Variants in PRCC observed in about 807,000 individuals in gnomAD.
PRCC encodes the protein proline rich mitotic checkpoint control factor, also known as proline-rich protein PRCC.
Under a neutral mutation model 44.0 loss-of-function variants are expected in PRCC, and 10 were observed. That is an observed-to-expected ratio of 0.23 (90% CI 0.14 to 0.39). The LOEUF is 0.39. PRCC is among the 10% of genes least tolerant of loss of function. The probability of loss-of-function intolerance (pLI) is 1.00; values close to 1 mark genes in which losing one functional copy is unlikely to be tolerated. For missense variants in PRCC, 573 were observed against 624.7 expected (o/e 0.92, Z 0.88); for synonymous variants, 278 against 259.5 (o/e 1.07, Z -0.69).
intron 3 of PRCC, among the ~76,000 whole-genome samples, chr1:156,788,156 T>C (rs1253586174): frequency 6.6e-6 from 1 of 152,188 alleles, no homozygotes; most frequent in Non-Finnish European, 1.5e-5. Flanking sequence ...TTTTTGATCC[T>C]TACCTTCCAC....
chr1:156,782,903 A>G (rs1652095474), intron 2 of PRCC, among the ~76,000 whole-genome samples: 1 of 152,104 alleles, frequency 6.6e-6, no homozygotes, highest in Non-Finnish European at 1.5e-5. Flanking sequence ...GCAATCAGAC[A>G]ATATATATAT....
At chr1:156,771,387 C>T (rs1571570817) in intron 1 of PRCC, among the ~76,000 whole-genome samples, 1 of 152,268 alleles carries the variant, frequency 6.6e-6, no homozygotes, top group East Asian at 1.9e-4. Context: ...TGGTGAGAAC[C>T]TTGGAGGGAG....
In PRCC at chr1:156,767,857, C is replaced by T. The variant is rs1181738550; in HGVS notation, c.86C>T (p.Pro29Leu). The change falls in exon 1 of 7, where the codon CCT becomes CTT. Residue 29 changes from proline (P) to leucine (L), a missense_variant. Pro to Leu is a moderately conservative substitution (Grantham distance 98). Transcript: ENST00000271526. ...PEPEEEEAVA[P>L]TSGPALGGLF... is the part of the protein sequence containing the mutation. ...CCGGAGGAAGAGGAGGCGGTGGCTC[C>T]TACATCTGGGCCCGCTTTAGGGGGC... 3 of 1,609,196 alleles carry T rather than the reference C, an allele frequency of 1.9e-6. No homozygotes were observed. Among genetic ancestry groups the T allele is most frequent in the Admixed American group, 1.7e-5 (1 of 59,600 alleles).
At chr1:156,779,154 T>C (rs1651954912) in intron 1 of PRCC, among the ~76,000 whole-genome samples, 5 of 82,518 alleles carry the variant, frequency 6.1e-5, no homozygotes, top group Non-Finnish European at 9.6e-5. Flanking sequence ...TTTTTTTTTT[T>C]TTTTTCTTTT....
intron 3 of PRCC, among the ~76,000 whole-genome samples, chr1:156,787,471 ATATATATATATATATATATATATATATC>A (rs1200558535): frequency 7.5e-4 from 3 of 4,004 alleles, no homozygotes; most frequent in Non-Finnish European, 2.7e-3. Context: ...ATATATATAT[ATATATATATATATATATATATATATATC>A]TGTTTTTTTT....
chr1:156,786,930 C>T lies in PRCC; in HGVS notation c.839C>T (p.Pro280Leu), dbSNP rs1203204311. Reference protein sequence around the residue: ...EVAPENFFSLPEKAEPPGVEP... With the variant: ...EVAPENFFSLLEKAEPPGVEP... The stretch of plus-strand genomic sequence containing the variant: ...GCCCCCGAAAACTTTTTCTCCCTCC[C>T]TGAAAAGGCTGAGCCACCTGGAGTT... The change falls in exon 3 of 7, where the codon CCT becomes CTT. Residue 280 changes from proline (P) to leucine (L), a missense_variant. Pro to Leu is a moderately conservative substitution (Grantham distance 98). Coordinates refer to ENST00000271526, the MANE Select transcript of PRCC (RefSeq NM_005973.5). 5.6e-6 allele frequency: 9 copies of T among 1,614,226 alleles called. No homozygotes were observed. The highest frequency in any genetic ancestry group is 2.2e-5 in the East Asian group (1 of 44,880).
chr1:156,794,764 A>T lies in PRCC; in HGVS notation c.1279A>T (p.Thr427Ser). 4 of 1,614,236 alleles carry T rather than the reference A, an allele frequency of 2.5e-6. No homozygotes were observed. Among genetic ancestry groups the T allele is most frequent in the Non-Finnish European group, 3.4e-6 (4 of 1,180,036 alleles). The part of the protein sequence containing the change: ...DQLSGAQQWM[T>S]KSLTEEKTMK... ...GCTCAGTGGGGCCCAGCAATGGATG[A>T]CTAAGTCATTGACAGAAGAGAAAAC... is the stretch of plus-strand genomic sequence containing the variant. Residue 427 changes from threonine to serine, a missense_variant, in exon 5 of 7, where the codon ACT (threonine) becomes TCT (serine). Thr to Ser is a moderately conservative substitution (Grantham distance 58). Around this residue, in one of 4 missense-constraint regions of PRCC, gnomAD observed 69 missense variants for 139.3 expected, o/e 0.50. Transcript: ENST00000271526.
chr1:156,796,954 C>T (rs534357622), intron 5 of PRCC: 57 of 294,168 alleles, frequency 1.9e-4, no homozygotes, highest in Non-Finnish European at 3.4e-4. Flanking sequence ...CCACAGCAGA[C>T]AGAACCCCAT....
intron 4 of PRCC, among the ~76,000 whole-genome samples, chr1:156,793,592 T>C (rs1391649764): frequency 1.3e-5 from 2 of 152,100 alleles, no homozygotes; most frequent in Non-Finnish European, 1.5e-5. Context: ...ATTCTTTGTC[T>C]CTAATGTCCA....
chr1:156,799,803 G>C (rs74370674), intron 6 of PRCC, among the ~76,000 whole-genome samples: 15,467 of 152,216 alleles, frequency 0.1, 998 homozygotes, highest in African/African-American at 0.18. Context: ...GTTGAGATCA[G>C]AAGAAAGAAG....
chr1:156,767,700 A>T lies in PRCC; in HGVS notation c.-72A>T. The stretch of plus-strand genomic sequence containing the variant: ...GCCCCGCCAGGTGGCGGGGCCTACT[A>T]GGCCTCCGGGCATCCCCGGTCTCAA... On this transcript the variant is annotated 5_prime_UTR_variant, in exon 1 of 7. Coordinates refer to ENST00000271526, the MANE Select transcript of PRCC (RefSeq NM_005973.5). 1 of 1,447,738 alleles carries T rather than the reference A, an allele frequency of 6.9e-7. No homozygotes were observed. The highest frequency in any genetic ancestry group is 1.4e-5 in the South Asian group (1 of 71,828). The allele number at this position is 1,447,738 out of a possible 1,614,324, so 89.7% of individuals were successfully genotyped here.
intron 6 of PRCC, among the ~76,000 whole-genome samples, chr1:156,799,087 T>C (rs2102776568): frequency 6.6e-6 from 1 of 152,336 alleles, no homozygotes; most frequent in African/African-American, 2.4e-5. Context: ...TAAGATTTAA[T>C]GCTGTATCTT....
chr1:156,768,341 G>A, intron 1 of PRCC, 102 bp downstream of exon 1: 4 of 1,214,400 alleles, frequency 3.3e-6, no homozygotes, highest in Non-Finnish European at 4.7e-6. Context: ...AAACGCATCC[G>A]TGGATTCAAG....
intron 1 of PRCC, among the ~76,000 whole-genome samples, chr1:156,770,160 T>C (rs1179107989): frequency 6.6e-6 from 1 of 152,178 alleles, no homozygotes; most frequent in Non-Finnish European, 1.5e-5. Flanking sequence ...TTGGCTGAGG[T>C]GGCAGAAAAC....
intron 1 of PRCC, among the ~76,000 whole-genome samples, chr1:156,776,452 C>T (rs1473753286): frequency 1.4e-5 from 2 of 140,606 alleles, no homozygotes; most frequent in African/African-American, 2.5e-5. Flanking sequence ...TAGACTGTTC[C>T]GAAGTCTTTA....
At position 156,786,664 on chromosome 1, in the gene PRCC, T is replaced by C; in HGVS notation, c.573T>C (p.Thr191=). Residue 191 remains threonine, a synonymous_variant, in exon 3 of 7, where the codon ACT becomes ACC. Coordinates refer to ENST00000271526, the MANE Select transcript of PRCC (RefSeq NM_005973.5). ...SALLPQPKNL[T]VKETNRLLLP... is the part of the protein sequence containing the mutation. ...TGCTTCCCCAACCTAAAAACCTGAC[T>C]GTGAAAGAGACTAACAGGTTGCTCC... 6.2e-7 allele frequency: 1 copy of C among 1,614,200 alleles called. No individual in the cohort carries two copies. Among genetic ancestry groups the C allele is most frequent in the African/African-American group, 1.3e-5 (1 of 75,046 alleles).
At chr1:156,779,589 G>A in intron 1 of PRCC, among the ~76,000 whole-genome samples, 1 of 151,880 alleles carries the variant, frequency 6.6e-6, no homozygotes, top group East Asian at 1.9e-4. Context: ...GGCTGGTCTC[G>A]AACTCCTGAC....
At chr1:156,774,235 G>A (rs1298883930) in intron 1 of PRCC, among the ~76,000 whole-genome samples, 1 of 120,602 alleles carries the variant, frequency 8.3e-6, no homozygotes, top group Admixed American at 1.1e-4. Context: ...GAGTGCAGTG[G>A]CTCAATCTTG....
chr1:156,776,801 T>C (rs933310793), intron 1 of PRCC, among the ~76,000 whole-genome samples: 4 of 152,208 alleles, frequency 2.6e-5, no homozygotes, highest in Non-Finnish European at 5.9e-5. Flanking sequence ...GAAAACCTTA[T>C]ATACCCCATA....
Sources: allele counts gnomAD v4.1 joint callset (sites outside exome capture counted in the v4.1 genomes callset), GRCh38; gene constraint gnomAD v4.1.1; regional missense constraint gnomAD v4.1.1; transcripts MANE v1.5; gene names NCBI Gene and HGNC (gene_info 2026-07-23, HGNC 2026-07-21).